Variants in GPHN observed in about 807,000 individuals in gnomAD.
GPHN encodes the protein gephyrin.
In GPHN, 17 loss-of-function variants were observed where a neutral mutation model predicts 95.5. That is an observed-to-expected ratio of 0.18 (90% confidence interval 0.12 to 0.27). The LOEUF (loss-of-function observed/expected upper bound fraction) is 0.27. Ranked by LOEUF, GPHN falls within the 10% of genes least tolerant of loss-of-function variation. The pLI, the probability that GPHN is intolerant of heterozygous loss-of-function variation, is 1.00. For synonymous variants in GPHN, 320 were observed against 322.5 expected, an observed-to-expected ratio of 0.99 and a Z score of 0.08; for missense variants, 660 against 978.1, an observed-to-expected ratio of 0.67 and a Z score of 4.34.
intron 1 of GPHN, among the ~76,000 whole-genome samples, chr14:66,557,481 A>G (rs1429584110): frequency 6.6e-6 from 1 of 152,190 alleles, no homozygotes; most frequent in Non-Finnish European, 1.5e-5. Flanking sequence ...TTTAGAAATC[A>G]TATCTTTAAG....
intron 11 of GPHN, among the ~76,000 whole-genome samples, chr14:67,075,658 TGAAAA>T (rs1236437015): frequency 2.0e-5 from 3 of 152,126 alleles, no homozygotes; most frequent in Non-Finnish European, 2.9e-5. Flanking sequence ...TGACAGGAGT[TGAAAA>T]GAAGTTGATT....
At chr14:67,619,966 G>T in the GPHN span, 6 of 1,567,812 alleles carry the variant, frequency 3.8e-6, no homozygotes, top group South Asian at 6.9e-5. Context: ...GAGATTCTCA[G>T]TGCTGCGGAT....
chr14:66,619,067 G>C (rs1178087614), intron 1 of GPHN, among the ~76,000 whole-genome samples: 2 of 152,128 alleles, frequency 1.3e-5, no homozygotes, highest in Non-Finnish European at 2.9e-5. Flanking sequence ...TAAGTATTTG[G>C]AGGTTTTTCA....
the GPHN span, among the ~76,000 whole-genome samples, chr14:67,666,515 A>T: frequency 6.6e-6 from 1 of 152,256 alleles, no homozygotes; most frequent in Non-Finnish European, 1.5e-5. Flanking sequence ...AACAAAACAG[A>T]AACCTTTGAA....
the GPHN span, among the ~76,000 whole-genome samples, chr14:67,561,572 A>C: frequency 6.6e-6 from 1 of 152,064 alleles, no homozygotes; most frequent in African/African-American, 2.4e-5. Flanking sequence ...TCAGAAAAGA[A>C]AAGAATATGC....
the GPHN span, among the ~76,000 whole-genome samples, chr14:67,723,881 CTGTT>C: frequency 6.6e-6 from 1 of 152,224 alleles, no homozygotes; most frequent in South Asian, 2.1e-4. Context: ...GGTTTTCTCT[CTGTT>C]TGCCATCGGC....
At chr14:67,386,750 C>T in the GPHN span, among the ~76,000 whole-genome samples, 4 of 152,120 alleles carry the variant, frequency 2.6e-5, no homozygotes, top group Admixed American at 6.5e-5. Flanking sequence ...TTATGTTCTC[C>T]GACAGAGTCC....
chr14:67,075,853 AAG>A lies in GPHN; in HGVS notation c.1145-13129_1145-13128del, dbSNP rs1284462356. ...GTTACTTCCTATGGATGAGTAAAGA[AAG>A]GGGCTTCTTAAGATGGAATCTACTG... On this transcript the variant is annotated intron_variant, in intron 11 of 22. Coordinates refer to ENST00000478722, the MANE Select transcript of GPHN (RefSeq NM_020806.5). Among the ~76,000 whole-genome samples the A allele has an allele frequency of 2.6e-5, 4 of 152,312 alleles. No individual in the cohort carries two copies. The East Asian group carries it at 7.7e-4, about 29-fold the overall frequency.
the GPHN span, chr14:67,574,535 C>G: frequency 1.4e-5 from 9 of 663,378 alleles, no homozygotes; most frequent in African/African-American, 5.5e-5. This position sits in a 1 kb window ranked among gnomAD's most constrained non-coding sequence, Gnocchi z 4.2. Context: ...CACAGTGACT[C>G]GCTGGCCAGC....
chr14:66,580,143 A>G (rs2061095103), intron 1 of GPHN, among the ~76,000 whole-genome samples: 2 of 152,000 alleles, frequency 1.3e-5, no homozygotes, highest in African/African-American at 4.8e-5. Context: ...GAAGAAATTT[A>G]AAGGACAATA....
At chr14:66,517,416 T>C (rs2058293204) in intron 1 of GPHN, among the ~76,000 whole-genome samples, 1 of 152,164 alleles carries the variant, frequency 6.6e-6, no homozygotes, top group Non-Finnish European at 1.5e-5. Flanking sequence ...ACCAATGACA[T>C]TCTTCACAGA....
intron 8 of GPHN, among the ~76,000 whole-genome samples, chr14:66,946,799 T>C (rs1596470322): frequency 1.3e-5 from 2 of 152,184 alleles, no homozygotes; most frequent in South Asian, 4.1e-4. Context: ...TAAATGCCAT[T>C]TTAAGAAATC....
the GPHN span, chr14:67,579,025 C>T: frequency 4.0e-6 from 3 of 741,804 alleles, no homozygotes; most frequent in South Asian, 3.2e-5. Context: ...TTTCTCACAA[C>T]CTGCCCCAGC....
the GPHN span, among the ~76,000 whole-genome samples, chr14:67,527,765 T>C: frequency 6.6e-6 from 1 of 152,228 alleles, no homozygotes; most frequent in African/African-American, 2.4e-5. Flanking sequence ...GCTTCTATTT[T>C]ACAGTTAGGT....
At chr14:67,636,974 C>G in the GPHN span, among the ~76,000 whole-genome samples, 2 of 152,200 alleles carry the variant, frequency 1.3e-5, no homozygotes, top group African/African-American at 4.8e-5. Context: ...AAAGTTCCCA[C>G]AGGCATAACA....
At chr14:66,674,036 A>G (rs1474027026) in intron 1 of GPHN, among the ~76,000 whole-genome samples, 1 of 152,118 alleles carries the variant, frequency 6.6e-6, no homozygotes, top group East Asian at 1.9e-4. Context: ...AATATACAAT[A>G]AATTCTAGTC....
At chr14:67,719,730 G>A in the GPHN span, among the ~76,000 whole-genome samples, 15 of 152,048 alleles carry the variant, frequency 9.9e-5, no homozygotes, top group Admixed American at 1.3e-4. Context: ...CTCCTGCCTC[G>A]GTTTCCCAAA....
the GPHN span, among the ~76,000 whole-genome samples, chr14:67,282,997 A>G: frequency 6.6e-6 from 1 of 152,246 alleles, no homozygotes; most frequent in African/African-American, 2.4e-5. Flanking sequence ...ACTGCCATCT[A>G]TCATATATGT....
chr14:67,530,040 G>A, the GPHN span, among the ~76,000 whole-genome samples: 1 of 152,162 alleles, frequency 6.6e-6, no homozygotes, highest in African/African-American at 2.4e-5. Flanking sequence ...TAGAAGGCTC[G>A]TACAAGGGAA....
Sources: allele counts gnomAD v4.1 joint callset (sites outside exome capture counted in the v4.1 genomes callset), GRCh38; gene constraint gnomAD v4.1.1; non-coding constraint Gnocchi (gnomAD v3.1); transcripts MANE v1.5; gene names NCBI Gene and HGNC (gene_info 2026-07-23, HGNC 2026-07-21).